The following OR4K14 variants were observed in gnomAD, a reference collection of about 807,000 sequenced individuals.
The protein encoded by OR4K14 is olfactory receptor 4K14.
For missense variants in OR4K14, 406 were observed against 373.6 expected, an observed-to-expected ratio of 1.09 and a Z score of -0.72; for synonymous variants, 153 against 141.5, an observed-to-expected ratio of 1.08 and a Z score of -0.58.
At chr14:20,015,787 T>C (rs1028988651) in intron 1 of OR4K14, among the ~76,000 whole-genome samples, 1 of 152,138 alleles carries the variant, frequency 6.6e-6, no homozygotes, top group Non-Finnish European at 1.5e-5. Context: ...CTCTAAAATA[T>C]AGACTGTTAT....
At chr14:20,015,516 T>G (rs536769448) in intron 1 of OR4K14, among the ~76,000 whole-genome samples, 1 of 152,296 alleles carries the variant, frequency 6.6e-6, no homozygotes, top group South Asian at 2.1e-4. Context: ...TATTATACAC[T>G]TGAAAATCAC....
In OR4K14 at chr14:20,014,501, G is replaced by A. The variant is rs186457874; in HGVS notation, c.693C>T (p.Ala231=). Residue 231 remains alanine, a synonymous_variant, in exon 2 of 2, where the codon GCC becomes GCT. Transcript: ENST00000641793. ...TGGAGAGTGCTTTGGATGTGCTACC[G>A]GCAGCACGCTGTCTGATAGCGAGGA... ...VILLAIRQRA[A]GSTSKALSTC... is the part of the protein sequence containing the mutation. The A allele has an allele frequency of 5.6e-6, 9 of 1,613,978 alleles. No homozygotes were observed. The highest frequency in any genetic ancestry group is 5.0e-5 in the Admixed American group (3 of 60,006).
chr14:20,017,059 C>G (rs938962640), intron 1 of OR4K14, among the ~76,000 whole-genome samples: 1 of 151,944 alleles, frequency 6.6e-6, no homozygotes, highest in Non-Finnish European at 1.5e-5. Context: ...GTTGAGATTT[C>G]TTCCATATTT....
chr14:20,015,289 G>C (rs957090539), intron 1 of OR4K14, 67 bp from the exon 2 acceptor site: 2 of 711,920 alleles, frequency 2.8e-6, no homozygotes, highest in East Asian at 5.3e-5. Context: ...AGTGAAATAA[G>C]CCAGGCACAG....
chr14:20,014,432 A>C lies in OR4K14; in HGVS notation c.762T>G (p.Pro254=), dbSNP rs776346422. ...AAGGCCGCACATAAACAAAAATGCA[A>C]GGGCCAAAGAACAGCGTCACTACCA... ...HIMVVTLFFG[P]CIFVYVRPFS... Residue 254 remains proline, a synonymous_variant, in exon 2 of 2, where the codon CCT becomes CCG. Coordinates refer to ENST00000641793, the MANE Select transcript of OR4K14 (RefSeq NM_001004712.2). 2.5e-6 allele frequency: 4 copies of C among 1,614,032 alleles called. No homozygotes were observed. In the East Asian group the frequency reaches 8.9e-5, roughly 36 times the overall value.
chr14:20,015,895 G>C (rs913868082), intron 1 of OR4K14, among the ~76,000 whole-genome samples: 5 of 151,298 alleles, frequency 3.3e-5, no homozygotes, highest in African/African-American at 9.7e-5. Flanking sequence ...GAGAGTTGTA[G>C]GAACTTTTTT....
chr14:20,015,442 TAGAC>T (rs1221793371), intron 1 of OR4K14, among the ~76,000 whole-genome samples: 3 of 152,166 alleles, frequency 2.0e-5, no homozygotes, highest in African/African-American at 4.8e-5. Context: ...AAGTTTCAAT[TAGAC>T]AGAAGGAAAA....
At chr14:20,015,269 C>T in intron 1 of OR4K14, 47 bp from the exon 2 acceptor site, 1 of 851,998 alleles carries the variant, frequency 1.2e-6, no homozygotes, top group Non-Finnish European at 1.8e-6. Context: ...ACCTCAAGGA[C>T]ATTGTATTAA....
chr14:20,014,709 G>C lies in OR4K14; in HGVS notation c.485C>G (p.Ala162Gly), dbSNP rs1566525592. 6.2e-7 allele frequency: 1 copy of C among 1,614,018 alleles called. No homozygotes were observed. The highest frequency in any genetic ancestry group is 8.5e-7 in the Non-Finnish European group (1 of 1,179,956). Residue 162 changes from alanine to glycine, a missense_variant, in exon 2 of 2, where the codon GCT becomes GGT. By Grantham distance (60) the Ala-to-Gly change is moderately conservative. Transcript: ENST00000641793. ...ACAGTAAGGCAAATTTACAGTGAAAGCCACTTGACTGATGGAGTGCACAAA... is the reference window on the plus strand; with the variant it reads ...ACAGTAAGGCAAATTTACAGTGAAACCCACTTGACTGATGGAGTGCACAAA... ...VGFVHSISQV[A>G]FTVNLPYCGP...
At chr14:20,018,181 G>A (rs1245179556) in intron 1 of OR4K14, among the ~76,000 whole-genome samples, 2 of 151,968 alleles carry the variant, frequency 1.3e-5, no homozygotes, top group Non-Finnish European at 2.9e-5. Context: ...ATTTGATATA[G>A]TAATAGATTT....
chr14:20,014,981 G>A lies in OR4K14; in HGVS notation c.213C>T (p.Asp71=). Residue 71 remains aspartate, a synonymous_variant, in exon 2 of 2, where the codon GAC becomes GAT. Coordinates refer to ENST00000641793, the MANE Select transcript of OR4K14 (RefSeq NM_001004712.2). ...YFLLGNLAFL[D]MWLASFATPK... The stretch of plus-strand genomic sequence containing the variant: ...GAGTGGCAAATGAGGCCAGCCACAT[G>A]TCCAGGAAAGCTAGGTTCCCCAGCA... The A allele has an allele frequency of 1.9e-6, 3 of 1,614,024 alleles. No homozygotes were observed. The highest frequency in any genetic ancestry group is 2.5e-6 in the Non-Finnish European group (3 of 1,179,940).
At chr14:20,018,843 TAATA>T (rs141765950) in intron 1 of OR4K14, among the ~76,000 whole-genome samples, 1,634 of 152,072 alleles carry the variant, frequency 0.011, 29 homozygotes, top group African/African-American at 0.037. Context: ...AAAGATGTTG[TAATA>T]AATAATCTCG....
intron 1 of OR4K14, among the ~76,000 whole-genome samples, chr14:20,017,915 A>C (rs777181245): frequency 2.6e-5 from 4 of 152,030 alleles, no homozygotes; most frequent in Non-Finnish European, 5.9e-5. Flanking sequence ...CATAGGTCCC[A>C]TAATTAGTTT....
In OR4K14 at chr14:20,014,906, T is replaced by A; in HGVS notation, c.288A>T (p.Gly96=). ...FLSDQKLISF[G]GCMAQIFFLH... ...AGAAGAAGATTTGAGCCATACATCCTCCAAAGGAGATGAGTTTTTGATCAC... is the reference window on the plus strand; with the variant it reads ...AGAAGAAGATTTGAGCCATACATCCACCAAAGGAGATGAGTTTTTGATCAC... Residue 96 remains glycine (G), a synonymous_variant, in exon 2 of 2, where the codon GGA becomes GGT. Transcript: ENST00000641793. The A allele has an allele frequency of 6.2e-7, 1 of 1,614,122 alleles. No homozygotes were observed. The highest frequency in any genetic ancestry group is 1.1e-5 in the South Asian group (1 of 91,084).
At chr14:20,016,920 T>C (rs891526610) in intron 1 of OR4K14, among the ~76,000 whole-genome samples, 4 of 152,032 alleles carry the variant, frequency 2.6e-5, no homozygotes, top group African/African-American at 9.7e-5. Flanking sequence ...TGAATAAAAA[T>C]ATTTATGGTA....
chr14:20,015,518 G>A (rs80339780), intron 1 of OR4K14, among the ~76,000 whole-genome samples: 3,749 of 152,236 alleles, frequency 0.025, 143 homozygotes, highest in African/African-American at 0.083. Flanking sequence ...TTATACACTT[G>A]AAAATCACTA....
At chr14:20,015,482 T>C (rs191060602) in intron 1 of OR4K14, among the ~76,000 whole-genome samples, 1 of 152,240 alleles carries the variant, frequency 6.6e-6, no homozygotes, top group Non-Finnish European at 1.5e-5. Flanking sequence ...TTGTACATCA[T>C]TGCGATTATA....
Position 20,015,210 on chromosome 14 carries a change from C to T in OR4K14, c.-17G>A. On this transcript the variant is annotated 5_prime_UTR_variant, in exon 2 of 2. Coordinates refer to ENST00000641793, the MANE Select transcript of OR4K14 (RefSeq NM_001004712.2). ...TGGGTCCATTGCCTCAGGTTTCAGA[C>T]TTTGTTTGTAATCTAAATAAAGAAA... 1 of 1,527,488 alleles carries T rather than the reference C, an allele frequency of 6.5e-7. No individual in the cohort carries two copies. Among genetic ancestry groups the T allele is most frequent in the Admixed American group, 2.0e-5 (1 of 49,670 alleles). The allele number at this position is 1,527,488 out of a possible 1,614,324, so 94.6% of individuals were successfully genotyped here.
At chr14:20,017,885 A>G (rs577026910) in intron 1 of OR4K14, among the ~76,000 whole-genome samples, 1 of 152,218 alleles carries the variant, frequency 6.6e-6, no homozygotes, top group South Asian at 2.1e-4. Flanking sequence ...CTGAGTTTTC[A>G]GATGAAATGG....
Sources: gnomAD v4.1 joint callset for allele counts (sites outside exome capture counted in the v4.1 genomes callset) on GRCh38, gnomAD v4.1.1 for gene constraint, MANE v1.5 for transcripts, NCBI Gene and HGNC (gene_info 2026-07-23, HGNC 2026-07-21) for gene names.